ITGB5: variants seen among roughly 807,000 people sequenced by gnomAD.
The protein encoded by ITGB5 is integrin beta-5.
ITGB5 carries 38 observed loss-of-function variants against 84.8 expected under a neutral mutation model. The ratio of observed to expected loss-of-function variants is 0.45; its 90% confidence interval spans 0.35 to 0.59. The LOEUF (loss-of-function observed/expected upper bound fraction) is 0.59, where lower values mean the gene tolerates loss of function less well. Ranked by LOEUF, ITGB5 falls within the 20% of genes least tolerant of loss-of-function variation. ITGB5 has a pLI of 0.01. For missense variants in ITGB5, 905 were observed against 1,034.5 expected, an observed-to-expected ratio of 0.87 and a Z score of 1.72; for synonymous variants, 393 against 414.4, an observed-to-expected ratio of 0.95 and a Z score of 0.63.
chr3:124,827,122 A>T lies in ITGB5; in HGVS notation c.781-5648T>A, dbSNP rs149470726. On this transcript the variant is annotated intron_variant, in intron 5 of 14. Transcript: ENST00000296181. ...AAACACAAAACAACAAAACAAAACA[A>T]AAAAAAACAATGAACTACAAATGGA... Among the ~76,000 whole-genome samples the T allele has an allele frequency of 2.8e-4, 42 of 152,254 alleles. No homozygotes were observed. The East Asian group carries it at 7.7e-3, about 28-fold the overall frequency.
intron 8 of ITGB5, among the ~76,000 whole-genome samples, chr3:124,815,179 G>T (rs1298545533): frequency 6.6e-6 from 1 of 152,256 alleles, no homozygotes; most frequent in Non-Finnish European, 1.5e-5. Context: ...GGTCCCAGCA[G>T]AAGCACAGAC....
At chr3:124,824,511 A>C (rs1014310307) in intron 5 of ITGB5, among the ~76,000 whole-genome samples, 1 of 141,060 alleles carries the variant, frequency 7.1e-6, no homozygotes, top group African/African-American at 2.8e-5. Context: ...ATAGGATAAA[A>C]AGTTGATGAA....
At chr3:124,823,007 T>G (rs9879407) in intron 5 of ITGB5, among the ~76,000 whole-genome samples, 26,422 of 151,952 alleles carry the variant, frequency 0.17, 2,510 homozygotes, top group Admixed American at 0.26. Flanking sequence ...ACACCTAGAA[T>G]CCCAACACTT....
chr3:124,864,824 G>C (rs1287769501), intron 2 of ITGB5, among the ~76,000 whole-genome samples: 3 of 152,106 alleles, frequency 2.0e-5, no homozygotes, highest in Non-Finnish European at 4.4e-5. Context: ...TCAGATCCCA[G>C]AGACCTGACA....
chr3:124,881,494 C>A (rs112621199), intron 1 of ITGB5, among the ~76,000 whole-genome samples: 6 of 152,136 alleles, frequency 3.9e-5, no homozygotes, highest in African/African-American at 1.4e-4. Flanking sequence ...GATAGTTCTG[C>A]TCCACCCAGG....
rs755806886 is a variant in ITGB5, at chr3:124,796,552, T to C, written c.1529A>G (p.Gln510Arg). 1.2e-6 allele frequency: 2 copies of C among 1,614,124 alleles called. No homozygotes were observed. The highest frequency in any genetic ancestry group is 1.7e-6 in the Non-Finnish European group (2 of 1,180,034). ...GCCCTCTGCCTCCCGGCACAGGTTC[T>C]GGTACACGCTCTGGTTCTCCCCATC... ...CQDGENQSVYQNLCREAEGKP... is the reference protein window; with the variant it reads ...CQDGENQSVYRNLCREAEGKP... Residue 510 changes from glutamine to arginine, a missense_variant, in exon 10 of 15, where the codon CAG (glutamine) becomes CGG (arginine). Gln to Arg is a conservative substitution (Grantham distance 43). This residue lies in a region of ITGB5 where 656 missense variants were observed against 734.7 expected (regional missense o/e 0.89). Transcript: ENST00000296181.
At chr3:124,785,353 G>A (rs1236710314) in intron 10 of ITGB5, among the ~76,000 whole-genome samples, 1 of 152,154 alleles carries the variant, frequency 6.6e-6, no homozygotes, top group Non-Finnish European at 1.5e-5. Context: ...GGAGGCCAAG[G>A]TGGGCAGATC....
At chr3:124,803,221 A>G (rs1367511351) in intron 9 of ITGB5, among the ~76,000 whole-genome samples, 1 of 152,216 alleles carries the variant, frequency 6.6e-6, no homozygotes, top group South Asian at 2.1e-4. Context: ...GTGTCCATCC[A>G]TAAGTGGCCA....
chr3:124,812,572 C>T (rs778124868), intron 8 of ITGB5, among the ~76,000 whole-genome samples: 10 of 152,294 alleles, frequency 6.6e-5, no homozygotes, highest in Non-Finnish European at 1.3e-4. Flanking sequence ...TGAGGCCAGC[C>T]CCCTCTGCAC....
intron 8 of ITGB5, among the ~76,000 whole-genome samples, chr3:124,815,899 T>C (rs917783473): frequency 1.3e-5 from 2 of 152,114 alleles, no homozygotes; most frequent in African/African-American, 2.4e-5. Flanking sequence ...TAAAGTTAAT[T>C]AGGAAACCCT....
intron 10 of ITGB5, among the ~76,000 whole-genome samples, chr3:124,783,207 C>CTTGAACCAG (rs1014659943): frequency 1.4e-5 from 2 of 145,916 alleles, no homozygotes; most frequent in African/African-American, 5.1e-5. Flanking sequence ...ATGATAATTG[C>CTTGAACCAG]TTGAACCAGG....
At chr3:124,859,803 C>T (rs1251813397) in intron 2 of ITGB5, among the ~76,000 whole-genome samples, 1 of 152,100 alleles carries the variant, frequency 6.6e-6, no homozygotes, top group African/African-American at 2.4e-5. Context: ...TTATATATTG[C>T]TGGGCATGGT....
chr3:124,798,123 G>A (rs1056797676), intron 9 of ITGB5, among the ~76,000 whole-genome samples: 1 of 144,890 alleles, frequency 6.9e-6, no homozygotes, highest in Non-Finnish European at 1.5e-5. Flanking sequence ...CATGCACTCA[G>A]CTCACTGCAA....
At chr3:124,775,241 A>T (rs937047201) in intron 10 of ITGB5, among the ~76,000 whole-genome samples, 2 of 145,892 alleles carry the variant, frequency 1.4e-5, no homozygotes, top group African/African-American at 5.6e-5. Flanking sequence ...TGAGTGTGTG[A>T]GTGCAAGTGT....
At chr3:124,852,285 T>C (rs2065168315) in intron 3 of ITGB5, among the ~76,000 whole-genome samples, 1 of 152,112 alleles carries the variant, frequency 6.6e-6, no homozygotes, top group Non-Finnish European at 1.5e-5. Flanking sequence ...GGCTCATGTA[T>C]CCCTGTAGCT....
intron 1 of ITGB5, among the ~76,000 whole-genome samples, chr3:124,899,805 G>A (rs1050608554): frequency 8.7e-6 from 1 of 114,868 alleles, no homozygotes; most frequent in South Asian, 3.1e-4. Context: ...AGTGAGCCAT[G>A]ATCATGCCAC....
At chr3:124,794,754 C>A (rs745808313) in intron 10 of ITGB5, among the ~76,000 whole-genome samples, 14 of 149,934 alleles carry the variant, frequency 9.3e-5, no homozygotes, top group Non-Finnish European at 1.8e-4. Context: ...TGCACTCCAG[C>A]CTAGGCAACA....
chr3:124,786,805 C>G (rs1041143517), intron 10 of ITGB5, among the ~76,000 whole-genome samples: 1 of 152,218 alleles, frequency 6.6e-6, no homozygotes. Flanking sequence ...CACTGAGCAG[C>G]AGAAGCCTGT....
upstream of ITGB5, among the ~76,000 whole-genome samples, chr3:124,890,885 T>TA (rs777382340): frequency 6.6e-6 from 1 of 152,212 alleles, no homozygotes; most frequent in East Asian, 1.9e-4. Flanking sequence ...TCCTTTTTTT[T>TA]ATTAAGCTGG....
Sources: gnomAD v4.1 joint callset for allele counts (sites outside exome capture counted in the v4.1 genomes callset) on GRCh38, gnomAD v4.1.1 for gene constraint, gnomAD v4.1.1 regional missense constraint, MANE v1.5 for transcripts, NCBI Gene and HGNC (gene_info 2026-07-23, HGNC 2026-07-21) for gene names.